KHK: variants seen among roughly 807,000 people sequenced by gnomAD.
KHK encodes the protein fructokinase.
KHK carries 37 observed loss-of-function variants against 36.0 expected under a neutral mutation model. That is an observed-to-expected ratio of 1.03 (90% CI 0.79 to 1.35). The LOEUF (loss-of-function observed/expected upper bound fraction) is 1.35. Ranked by LOEUF, KHK falls within the 40% of genes most tolerant of loss-of-function variation. KHK has a pLI of 0.00. For synonymous variants in KHK, 161 were observed against 162.8 expected, an observed-to-expected ratio of 0.99 and a Z score of 0.08; for missense variants, 395 against 391.9, an observed-to-expected ratio of 1.01 and a Z score of -0.07.
At chr2:27,098,033 G>A (rs993857780) in intron 5 of KHK, among the ~76,000 whole-genome samples, 3 of 152,166 alleles carry the variant, frequency 2.0e-5, no homozygotes, top group African/African-American at 7.2e-5. Context: ...ACTCAGGGGT[G>A]TCTGGCAGGT....
chr2:27,093,910 G>C (rs1030565072), intron 2 of KHK, among the ~76,000 whole-genome samples: 1 of 152,206 alleles, frequency 6.6e-6, no homozygotes, highest in Non-Finnish European at 1.5e-5. Flanking sequence ...GGACAAAGCA[G>C]TGAGCTGGCT....
rs768749071 is a variant in KHK at position 27,094,913 on chromosome 2, G to A, written c.323G>A (p.Arg108His). The A allele has an allele frequency of 1.3e-5, 21 of 1,613,962 alleles. No individual in the cohort carries two copies. Among genetic ancestry groups the A allele is most frequent in the Admixed American group, 3.3e-5 (2 of 60,034 alleles). ...ATCATCAACAACTCCAATGGCAACC[G>A]TACCATTGTGCTCCATGACACGTAA... The part of the protein sequence containing the change: ...CCIINNSNGN[R>H]TIVLHDTSLP... The change falls in exon 3 of 8, where the codon CGT (arginine) becomes CAT (histidine). Residue 108 changes from arginine to histidine, a missense_variant. Coordinates refer to ENST00000260598, the MANE Select transcript of KHK (RefSeq NM_006488.3).
In KHK at chr2:27,099,535, G is replaced by GGA; in HGVS notation, c.772_773dup (p.Asp258GlufsTer22). The GGA allele has an allele frequency of 6.2e-7, 1 of 1,614,194 alleles. No homozygotes were observed. The highest frequency in any genetic ancestry group is 8.5e-7 in the Non-Finnish European group (1 of 1,180,026). Reference sequence around the variant, plus strand: ...CCGCGTGGTGGATACACTGGGAGCTGGAGACACCTTCAATGCCTCCGTCAT... The same window carrying GGA: ...CCGCGTGGTGGATACACTGGGAGCTGGAGAGACACCTTCAATGCCTCCGTCAT... On this transcript the variant is annotated frameshift_variant, in exon 7 of 8. Transcript: ENST00000260598. LOFTEE classifies it high-confidence loss of function.
chr2:27,092,492 T>A (rs766276640), intron 2 of KHK, 44 bp downstream of exon 2: 63 of 1,390,038 alleles, frequency 4.5e-5, no homozygotes, highest in Non-Finnish European at 6.0e-5. Flanking sequence ...CCTGCCTGCA[T>A]CATTGTGGGA....
chr2:27,095,900 G>A (rs546481213), intron 3 of KHK, among the ~76,000 whole-genome samples: 1 of 152,320 alleles, frequency 6.6e-6, no homozygotes, highest in African/African-American at 2.4e-5. Flanking sequence ...CCTGATCAAG[G>A]ACACAACATA....
chr2:27,099,658 C>T lies in KHK; in HGVS notation c.812-7C>T, dbSNP rs1352970798. On this transcript the variant is annotated splice_region_variant and splice_polypyrimidine_tract_variant and intron_variant, in intron 7 of 7. Coordinates refer to ENST00000260598, the MANE Select transcript of KHK (RefSeq NM_006488.3). Reference sequence around the variant, plus strand: ...CTGGCTGACCTAGCTACTTGCCCCTCCTCCAGGGAGGAGCGTGCAGGAAGC... The same window carrying T: ...CTGGCTGACCTAGCTACTTGCCCCTTCTCCAGGGAGGAGCGTGCAGGAAGC... 4 of 1,614,052 alleles carry T rather than the reference C, an allele frequency of 2.5e-6. No individual in the cohort carries two copies. The African/African-American group carries it at 5.3e-5, about 22-fold the overall frequency.
chr2:27,094,757 C>G, intron 2 of KHK, 43 bp from the exon 3 acceptor site: 1 of 1,614,000 alleles, frequency 6.2e-7, no homozygotes. Context: ...AGGCTCTAAT[C>G]TGTGTCTCCT....
At position 27,094,899 on chromosome 2, in the gene KHK, C is replaced by T; in HGVS notation, c.309C>T (p.Asn103=). The T allele has an allele frequency of 1.2e-6, 2 of 1,614,050 alleles. No individual in the cohort carries two copies. Among genetic ancestry groups the T allele is most frequent in the Non-Finnish European group, 8.5e-7 (1 of 1,180,052 alleles). The change falls in exon 3 of 8, where the codon AAC becomes AAT. Residue 103 remains asparagine, a synonymous_variant. Transcript: ENST00000260598. ...DTPSSCCIIN[N]SNGNRTIVLH... ...CCAGCTCCTGCTGCATCATCAACAA[C>T]TCCAATGGCAACCGTACCATTGTGC...
chr2:27,098,475 CAAAA>C (rs78116764), intron 5 of KHK, among the ~76,000 whole-genome samples: 24 of 97,212 alleles, frequency 2.5e-4, no homozygotes, highest in African/African-American at 7.7e-4. Context: ...TGTCTCTATA[CAAAA>C]AAAAAAAAAA....
chr2:27,096,597 T>G (rs1670367709), intron 3 of KHK, 132 bp from the exon 4 acceptor site: 3 of 774,590 alleles, frequency 3.9e-6, no homozygotes, highest in Non-Finnish European at 6.9e-6. Flanking sequence ...GAGAATCCTG[T>G]GCTGTGGATC....
At position 27,099,267 on chromosome 2, in the gene KHK, TG is replaced by T. The variant is rs1670620586; in HGVS notation, c.638del (p.Gly213ValfsTer3). Reference sequence around the variant, plus strand: ...CAGAGGAAGCCTTGAGGGGCTTGTATGGTCGTGTGAGGAAAGGGTGAGCCGG... The same window carrying T: ...CAGAGGAAGCCTTGAGGGGCTTGTATGTCGTGTGAGGAAAGGGTGAGCCGG... ...SAEEALRGLY[G>X]RVRKGAVLVC... On this transcript the variant is annotated frameshift_variant, in exon 6 of 8. Coordinates refer to ENST00000260598, the MANE Select transcript of KHK (RefSeq NM_006488.3). LOFTEE classifies it high-confidence loss of function. The T allele has an allele frequency of 6.2e-7, 1 of 1,613,904 alleles. No individual in the cohort carries two copies. The highest frequency in any genetic ancestry group is 1.3e-5 in the African/African-American group (1 of 74,882).
chr2:27,094,482 T>C, intron 2 of KHK: 1 of 1,613,582 alleles, frequency 6.2e-7, no homozygotes, highest in Non-Finnish European at 8.5e-7. Context: ...AGCAGTTTTG[T>C]CCTGGATGAC....
At chr2:27,097,455 T>C in intron 4 of KHK, 48 bp from the exon 5 acceptor site, 1 of 1,610,520 alleles carries the variant, frequency 6.2e-7, no homozygotes. Context: ...ATGAGGCAGA[T>C]TGGCCAGGCA....
chr2:27,100,662 C>T lies in KHK; in HGVS notation c.*912C>T. 1 of 1,062,878 alleles carries T rather than the reference C, an allele frequency of 9.4e-7. No homozygotes were observed. The highest frequency in any genetic ancestry group is 1.2e-6 in the Non-Finnish European group (1 of 820,256). 65.8% of individuals were successfully genotyped at this position (1,062,878 alleles called of 1,614,324 possible). A position where few individuals can be genotyped will look rare whatever the true frequency, so the allele number is the denominator to read the frequency against. On this transcript the variant is annotated 3_prime_UTR_variant, in exon 8 of 8. Transcript: ENST00000260598. ...GTACAGCACTTAACGCAATCTGCCT[C>T]AATTTCTTCATCTGTCAAATGGAAC...
intron 1 of KHK, among the ~76,000 whole-genome samples, chr2:27,089,938 C>T (rs1190703200): frequency 2.0e-5 from 3 of 152,142 alleles, no homozygotes; most frequent in Non-Finnish European, 4.4e-5. Context: ...CTGCAACCTC[C>T]GCCTCCAGAG....
intron 3 of KHK, 34 bp downstream of exon 3, chr2:27,094,968 A>C: frequency 1.9e-6 from 3 of 1,612,506 alleles, no homozygotes; most frequent in Non-Finnish European, 2.5e-6. Flanking sequence ...GCTACAACCC[A>C]CCAATCAGTT....
chr2:27,097,588 T>G lies in KHK; in HGVS notation c.503T>G (p.Val168Gly), dbSNP rs765811812. The change falls in exon 5 of 8, where the codon GTG (valine) becomes GGG (glycine). Residue 168 changes from valine to glycine, a missense_variant. Physicochemically the swap from Val to Gly is moderately radical, Grantham distance 109. Transcript: ENST00000260598. ...CAGCCTCCAGAGCAGAAGATCCGGG[T>G]GTCCGTGGAGGTGGAGAAGCCACGA... ...TRQPPEQKIR[V>G]SVEVEKPREE... The G allele has an allele frequency of 6.2e-7, 1 of 1,613,968 alleles. No individual in the cohort carries two copies. Among genetic ancestry groups the G allele is most frequent in the South Asian group, 1.1e-5 (1 of 91,078 alleles).
chr2:27,099,333 T>C, intron 6 of KHK, 49 bp downstream of exon 6: 2 of 1,612,868 alleles, frequency 1.2e-6, no homozygotes, highest in Non-Finnish European at 1.7e-6. Flanking sequence ...AGGATGAGCC[T>C]GGACTCCAGG....
chr2:27,096,638 G>C, intron 3 of KHK, 91 bp from the exon 4 acceptor site: 1 of 987,858 alleles, frequency 1.0e-6, no homozygotes, highest in Non-Finnish European at 1.6e-6. Flanking sequence ...AGCAGTGCAG[G>C]CACAGGGTCC....
Sources: gnomAD v4.1 joint callset for allele counts (sites outside exome capture counted in the v4.1 genomes callset) on GRCh38, gnomAD v4.1.1 for gene constraint, MANE v1.5 for transcripts, NCBI Gene and HGNC (gene_info 2026-07-23, HGNC 2026-07-21) for gene names.